Variants in CLEC12A observed in about 807,000 individuals in gnomAD.
CLEC12A encodes the protein C-type lectin protein CLL-1.
Under a neutral mutation model 26.5 loss-of-function variants are expected in CLEC12A, and 22 were observed. That is an observed-to-expected ratio of 0.83 (90% CI 0.59 to 1.19). The LOEUF is 1.19. Ranked by LOEUF, CLEC12A falls within the 50% of genes most tolerant of loss-of-function variation. The pLI is 0.00. For missense variants in CLEC12A, 353 were observed against 315.6 expected, an observed-to-expected ratio of 1.12 and a Z score of -0.90; for synonymous variants, 119 against 101.9, an observed-to-expected ratio of 1.17 and a Z score of -1.01.
downstream of CLEC12A, among the ~76,000 whole-genome samples, chr12:9,999,768 A>T (rs1008049539): frequency 6.6e-6 from 1 of 152,168 alleles, no homozygotes; most frequent in Non-Finnish European, 1.5e-5. Flanking sequence ...AATAATACAG[A>T]GTTGGTGACT....
chr12:9,958,858 A>G (rs1863784497), intron 1 of CLEC12A, among the ~76,000 whole-genome samples: 2 of 152,214 alleles, frequency 1.3e-5, no homozygotes, highest in African/African-American at 4.8e-5. Flanking sequence ...ATATAGATTA[A>G]GTAAATTTAC....
intron 1 of CLEC12A, among the ~76,000 whole-genome samples, chr12:9,959,589 G>A (rs1033597755): frequency 2.0e-5 from 3 of 152,000 alleles, no homozygotes; most frequent in African/African-American, 4.8e-5. Flanking sequence ...TTGACTATAA[G>A]TCTTTTTTGA....
intron 1 of CLEC12A, among the ~76,000 whole-genome samples, chr12:9,959,313 G>C (rs7298632): frequency 6.6e-6 from 1 of 151,674 alleles, no homozygotes; most frequent in African/African-American, 2.4e-5. Flanking sequence ...TTAGCTGGGC[G>C]TGGTGGCGGG....
intron 4 of CLEC12A, chr12:9,993,348 C>G: frequency 7.3e-7 from 1 of 1,374,256 alleles, no homozygotes; most frequent in Non-Finnish European, 1.0e-6. Context: ...AGTAATCAGA[C>G]TCTGCGTATA....
upstream of CLEC12A, among the ~76,000 whole-genome samples, chr12:9,971,075 C>T (rs917319468): frequency 2.0e-5 from 3 of 152,084 alleles, no homozygotes; most frequent in African/African-American, 4.8e-5. Flanking sequence ...GTGAAGAGAA[C>T]CCTTCTATCA....
chr12:9,984,990 A>G lies in CLEC12A; in HGVS notation c.762A>G (p.Pro254=), dbSNP rs1208908054. Residue 254 remains proline, a synonymous_variant, in exon 6 of 6, where the codon CCA becomes CCG. Transcript: ENST00000304361. The part of the protein sequence containing the change: ...KRMICEKMAN[P]VQLGSTYFRE... ...TGATATGTGAGAAGATGGCCAATCC[A>G]GTGCAGCTTGGTTCTACATATTTTA... 1 of 1,543,128 alleles carries G rather than the reference A, an allele frequency of 6.5e-7. No homozygotes were observed. Among genetic ancestry groups the G allele is most frequent in the African/African-American group, 1.4e-5 (1 of 72,616 alleles).
intron 3 of CLEC12A, 34 bp from the exon 4 acceptor site, chr12:9,980,548 A>C: frequency 6.2e-7 from 1 of 1,600,624 alleles, no homozygotes; most frequent in South Asian, 1.1e-5. Context: ...ATGACTATCA[A>C]CAAAACCCAA....
chr12:9,955,787 CA>C (rs778639392), intron 1 of CLEC12A, among the ~76,000 whole-genome samples: 34 of 152,314 alleles, frequency 2.2e-4, no homozygotes, highest in Non-Finnish European at 4.7e-4. Flanking sequence ...AAACCTCCTG[CA>C]GTGTGATTGC....
intron 1 of CLEC12A, among the ~76,000 whole-genome samples, chr12:9,955,164 G>T (rs1863722677): frequency 6.6e-6 from 1 of 152,148 alleles, no homozygotes; most frequent in African/African-American, 2.4e-5. Context: ...TCGGCTCACT[G>T]CAAGCTCTGC....
At chr12:10,002,560 A>C in the CLEC12A span, among the ~76,000 whole-genome samples, 1 of 149,444 alleles carries the variant, frequency 6.7e-6, no homozygotes, top group Admixed American at 6.7e-5. Flanking sequence ...CTCCTGCCAC[A>C]GCCTCCCAAG....
At position 9,978,823 on chromosome 12, in the gene CLEC12A, T is replaced by G. The variant is rs1864439157; in HGVS notation, c.92-143T>G. 8 of 624,786 alleles carry G rather than the reference T, an allele frequency of 1.3e-5. 1 individual carries two copies. In the South Asian group the frequency reaches 1.4e-4, roughly 11 times the overall value. The allele number at this position is 624,786 out of a possible 1,614,324, so 38.7% of individuals were successfully genotyped here. On this transcript the variant is annotated intron_variant, in intron 1 of 5. Transcript: ENST00000304361. ...ATTCTTCAAAAATATTTTTTGAATA[T>G]TCTTGAATGGCTAGCAAATCCATTT...
At chr12:9,973,801 G>A (rs1035977953) in intron 1 of CLEC12A, among the ~76,000 whole-genome samples, 4 of 151,952 alleles carry the variant, frequency 2.6e-5, no homozygotes, top group East Asian at 1.9e-4. Flanking sequence ...ACAGACTTCC[G>A]TAATTTTTTC....
At chr12:9,977,080 C>G (rs1864368470) in intron 1 of CLEC12A, among the ~76,000 whole-genome samples, 1 of 152,156 alleles carries the variant, frequency 6.6e-6, no homozygotes, top group Admixed American at 6.5e-5. Flanking sequence ...GACTAATACA[C>G]ATGCTAACCC....
At chr12:9,966,830 C>G (rs71441773), upstream of CLEC12A, among the ~76,000 whole-genome samples, 6 of 86,098 alleles carry the variant, frequency 7.0e-5, 1 homozygote, top group East Asian at 2.2e-3. Flanking sequence ...GCCTTTTGAC[C>G]TTTTAGGATC....
intron 1 of CLEC12A, 26 bp from the exon 2 acceptor site, chr12:9,978,940 C>G: frequency 6.5e-7 from 1 of 1,536,388 alleles, no homozygotes; most frequent in Non-Finnish European, 9.0e-7. Context: ...ATTTTTAGGC[C>G]TCTCTGTTAA....
chr12:9,996,886 A>G (rs1457495892), downstream of CLEC12A: 2 of 1,613,990 alleles, frequency 1.2e-6, no homozygotes, highest in Admixed American at 1.7e-5. Flanking sequence ...AGTAGCATTC[A>G]TGTCAGTGCA....
At chr12:9,962,745 A>G (rs1044690322) in intron 1 of CLEC12A, among the ~76,000 whole-genome samples, 4 of 152,140 alleles carry the variant, frequency 2.6e-5, no homozygotes, top group Admixed American at 6.5e-5. Context: ...CTTCTTTTGT[A>G]GTGGAATGTC....
chr12:9,965,476 T>A, intron 1 of CLEC12A, among the ~76,000 whole-genome samples: 1 of 150,436 alleles, frequency 6.6e-6, no homozygotes, highest in Non-Finnish European at 1.5e-5. Flanking sequence ...CTGAGTCTGA[T>A]GGGTGTCAGG....
At chr12:9,983,658 A>G in intron 5 of CLEC12A, 1 of 579,148 alleles carries the variant, frequency 1.7e-6, no homozygotes, top group Non-Finnish European at 3.1e-6. Context: ...TTGAGGTGCC[A>G]CCACAGCGAG....
Sources: gnomAD v4.1 joint callset for allele counts (sites outside exome capture counted in the v4.1 genomes callset) on GRCh38, gnomAD v4.1.1 for gene constraint, MANE v1.5 for transcripts, NCBI Gene and HGNC (gene_info 2026-07-23, HGNC 2026-07-21) for gene names.